The following ZIM2 variants were observed in gnomAD, a reference collection of about 807,000 sequenced individuals.
ZIM2 encodes zinc finger protein 656.
Under a neutral mutation model 38.6 loss-of-function variants are expected in ZIM2, and 14 were observed. The observed-to-expected ratio is 0.36, with a 90% CI of 0.24 to 0.57. ZIM2 has a LOEUF of 0.57. ZIM2 is among the 20% of genes least tolerant of loss of function. ZIM2 has a pLI of 0.81. For synonymous variants in ZIM2, 247 were observed against 245.8 expected (o/e 1.00, Z -0.04); for missense variants, 680 against 695.1 (o/e 0.98, Z 0.24).
intron 9 of ZIM2, among the ~76,000 whole-genome samples, chr19:56,804,712 C>T (rs1291472278): frequency 6.6e-6 from 1 of 152,170 alleles, no homozygotes; most frequent in Non-Finnish European, 1.5e-5. Context: ...TGCATCTAAC[C>T]TTCTTCAAGG....
At chr19:56,824,766 CAT>C in intron 3 of ZIM2, 1 of 1,052,378 alleles carries the variant, frequency 9.5e-7, no homozygotes, top group Non-Finnish European at 1.4e-6. Flanking sequence ...GAGATATACA[CAT>C]GTCCCAGAAG....
At chr19:56,788,155 ATTTG>A (rs1446461592) in intron 10 of ZIM2, among the ~76,000 whole-genome samples, 9 of 151,310 alleles carry the variant, frequency 5.9e-5, no homozygotes, top group Non-Finnish European at 1.0e-4. Flanking sequence ...TAACTTTTGA[ATTTG>A]TTTGCTCTTG....
chr19:56,792,458 G>A (rs895193945), intron 9 of ZIM2, among the ~76,000 whole-genome samples: 15 of 148,062 alleles, frequency 1.0e-4, no homozygotes, highest in African/African-American at 3.8e-4. Context: ...TTGAACCCGG[G>A]AGGTGGAGGT....
chr19:56,775,216 C>T lies in ZIM2; in HGVS notation c.1149G>A (p.Gly383=). 1 of 1,614,110 alleles carries T rather than the reference C, an allele frequency of 6.2e-7. No homozygotes were observed. The highest frequency in any genetic ancestry group is 8.5e-7 in the Non-Finnish European group (1 of 1,180,026). ...ALRRHERIHT[G]KKPYECKQCA... ...ACTGTTTACATTCATAGGGTTTCTTCCCAGTATGGATCCGTTCGTGTCTCC... is the reference window on the plus strand; with the variant it reads ...ACTGTTTACATTCATAGGGTTTCTTTCCAGTATGGATCCGTTCGTGTCTCC... Residue 383 remains glycine, a synonymous_variant, in exon 13 of 13, where the codon GGG becomes GGA. Transcript: ENST00000629319.
chr19:56,822,508 T>C, intron 6 of ZIM2: 1 of 425,230 alleles, frequency 2.4e-6, no homozygotes, highest in Non-Finnish European at 4.1e-6. Flanking sequence ...TTTTTTTTTT[T>C]TAATGCACCA....
chr19:56,775,969 C>T (rs909060942), intron 12 of ZIM2, among the ~76,000 whole-genome samples: 2 of 151,784 alleles, frequency 1.3e-5, no homozygotes, highest in Non-Finnish European at 2.9e-5. Flanking sequence ...GGCATGGTGG[C>T]GCGTGCCTGT....
chr19:56,829,389 T>C (rs1040509279), intron 2 of ZIM2, among the ~76,000 whole-genome samples: 1 of 151,858 alleles, frequency 6.6e-6, no homozygotes, highest in Non-Finnish European at 1.5e-5. Context: ...GTTTAACCTT[T>C]GTATGTACAG....
chr19:56,828,299 A>G (rs2146456470), intron 2 of ZIM2, among the ~76,000 whole-genome samples: 1 of 152,346 alleles, frequency 6.6e-6, no homozygotes, highest in Non-Finnish European at 1.5e-5. Context: ...TGTTAGACCC[A>G]ATAAATACTT....
chr19:56,811,113 A>G (rs528000961), intron 9 of ZIM2: 104 of 984,630 alleles, frequency 1.1e-4, no homozygotes, highest in African/African-American at 5.9e-4. Context: ...TTTTTCCTCC[A>G]CTTTTCTGTA....
Position 56,817,629 on chromosome 19 carries a change from C to G in ZIM2, c.490+117G>C, listed in dbSNP as rs371365527. 20 of 1,535,168 alleles carry G rather than the reference C, an allele frequency of 1.3e-5. 1 individual carries two copies. The highest frequency in any genetic ancestry group is 1.5e-5 in the Non-Finnish European group (17 of 1,119,132). Reference sequence around the variant, plus strand: ...TACTCCCTAGTCCCCATAAGAAGGACAGTGGGACTTGGAGGGGTGCACCCT... The same window carrying G: ...TACTCCCTAGTCCCCATAAGAAGGAGAGTGGGACTTGGAGGGGTGCACCCT... On this transcript the variant is annotated intron_variant, in intron 9 of 12. Coordinates refer to ENST00000629319, the MANE Select transcript of ZIM2 (RefSeq NM_001387356.1).
intron 9 of ZIM2, chr19:56,810,915 G>C (rs2059494514): frequency 1.0e-6 from 1 of 964,356 alleles, no homozygotes; most frequent in African/African-American, 1.8e-5. Context: ...ACTGTTATCA[G>C]GACATTATTA....
chr19:56,806,055 G>C (rs1705224780), intron 9 of ZIM2, among the ~76,000 whole-genome samples: 1 of 152,146 alleles, frequency 6.6e-6, no homozygotes, highest in Non-Finnish European at 1.5e-5. Context: ...ATGCCCAGTG[G>C]TTATAAAAAT....
At chr19:56,837,158 A>T in intron 1 of ZIM2, among the ~76,000 whole-genome samples, 1 of 152,208 alleles carries the variant, frequency 6.6e-6, no homozygotes, top group African/African-American at 2.4e-5. Context: ...GGCCACACCC[A>T]AACGAACTAA....
intron 9 of ZIM2, chr19:56,811,485 C>T: frequency 1.0e-6 from 1 of 982,148 alleles, no homozygotes; most frequent in East Asian, 1.1e-4. Context: ...TAAGTGTCCA[C>T]AGATAGGTTT....
chr19:56,777,726 G>A lies in ZIM2; in HGVS notation c.835+1651C>T, dbSNP rs1008781731. On this transcript the variant is annotated intron_variant, in intron 12 of 12. Transcript: ENST00000629319. ...AGTGTAAATGTAAGTAGCCACATGT[G>A]CCTACTGTCTAGCATATTGGACAGC... is the stretch of plus-strand genomic sequence containing the variant. Among the ~76,000 whole-genome samples, 6 of 152,146 alleles carry A rather than the reference G, an allele frequency of 3.9e-5. No individual in the cohort carries two copies. The East Asian group carries it at 1.2e-3, about 29-fold the overall frequency.
At chr19:56,810,757 C>G (rs761792117) in intron 9 of ZIM2, 64 of 983,762 alleles carry the variant, frequency 6.5e-5, no homozygotes, top group Non-Finnish European at 7.1e-5. Context: ...AGCGTGTGCA[C>G]TGAAACAAGA....
At chr19:56,779,224 A>G (rs1321932016) in intron 12 of ZIM2, among the ~76,000 whole-genome samples, 153 bp downstream of exon 12, 1 of 152,096 alleles carries the variant, frequency 6.6e-6, no homozygotes, top group Non-Finnish European at 1.5e-5. Flanking sequence ...TGCTGCATGA[A>G]GAGATGGGCT....
At chr19:56,822,611 G>A (rs1194749918) in intron 6 of ZIM2, 142 bp downstream of exon 6, 1 of 1,148,376 alleles carries the variant, frequency 8.7e-7, no homozygotes, top group African/African-American at 1.5e-5. Flanking sequence ...AAAAATACGA[G>A]CCTTGGACTA....
At chr19:56,790,851 A>T (rs988179001) in intron 9 of ZIM2, among the ~76,000 whole-genome samples, 34 of 152,170 alleles carry the variant, frequency 2.2e-4, no homozygotes, top group African/African-American at 8.2e-4. Flanking sequence ...TAAACATTAC[A>T]TATGTAAGGC....
Sources: gnomAD v4.1 joint callset for allele counts (sites outside exome capture counted in the v4.1 genomes callset) on GRCh38, gnomAD v4.1.1 for gene constraint, MANE v1.5 for transcripts, NCBI Gene and HGNC (gene_info 2026-07-23, HGNC 2026-07-21) for gene names.